COP1: variants seen among roughly 807,000 people sequenced by gnomAD.
COP1 encodes COP1 E3 ubiquitin ligase.
COP1 carries 24 observed loss-of-function variants against 101.3 expected under a neutral mutation model. That is an observed-to-expected ratio of 0.24 (90% CI 0.17 to 0.33). COP1 has a LOEUF of 0.33. COP1 is among the 10% of genes least tolerant of loss of function. The probability of loss-of-function intolerance (pLI) is 1.00; values close to 1 mark genes in which losing one functional copy is unlikely to be tolerated. For synonymous variants in COP1, 347 were observed against 341.9 expected (o/e 1.01, Z -0.17); for missense variants, 663 against 906.2 (o/e 0.73, Z 3.45).
chr1:176,120,603 A>G (rs1686955413), intron 8 of COP1, among the ~76,000 whole-genome samples: 1 of 152,210 alleles, frequency 6.6e-6, no homozygotes. Flanking sequence ...AGTAACAACA[A>G]TGCAGCTGTT....
At chr1:176,191,760 T>C (rs1385906657) in intron 1 of COP1, among the ~76,000 whole-genome samples, 1 of 152,086 alleles carries the variant, frequency 6.6e-6, no homozygotes, top group African/African-American at 2.4e-5. Flanking sequence ...TAAATCTCCA[T>C]TTTTTCAAAA....
intron 5 of COP1, among the ~76,000 whole-genome samples, chr1:176,157,434 C>T (rs983393259): frequency 6.6e-6 from 1 of 152,100 alleles, no homozygotes; most frequent in Non-Finnish European, 1.5e-5. Context: ...CTGCCTTAAA[C>T]AACAAAACAC....
rs897661210 is a variant in COP1 at position 176,111,803 on chromosome 1, T to C, written c.1026+4821A>G. On this transcript the variant is annotated intron_variant, in intron 9 of 19. Transcript: ENST00000367669. ...CGACTATCCACTATTTCAATTGTTT[T>C]TGTCTCCATTTATGTTAGGTCTAGC... is the stretch of plus-strand genomic sequence containing the variant. Among the ~76,000 whole-genome samples, 3 of 152,216 alleles carry C rather than the reference T, an allele frequency of 2.0e-5. No individual in the cohort carries two copies. The East Asian group carries it at 5.8e-4, about 29-fold the overall frequency.
chr1:176,143,146 A>AAGAG (rs759550104), intron 6 of COP1, among the ~76,000 whole-genome samples: 7,818 of 66,536 alleles, frequency 0.12, 435 homozygotes, highest in Middle Eastern at 0.3. Context: ...GAGCGAGAGA[A>AAGAG]AGAGAGAGAG....
At chr1:176,082,306 A>T (rs771476005) in intron 10 of COP1, among the ~76,000 whole-genome samples, 44 of 152,312 alleles carry the variant, frequency 2.9e-4, no homozygotes, top group Middle Eastern at 3.4e-3. Context: ...CAACTTTTTC[A>T]AGGTAAATGT....
chr1:176,063,209 G>A (rs989500669), intron 11 of COP1, among the ~76,000 whole-genome samples: 4 of 151,746 alleles, frequency 2.6e-5, no homozygotes, highest in Admixed American at 6.6e-5. Flanking sequence ...ACAGGCGCCC[G>A]CCACCGCGCC....
At chr1:176,090,298 T>C (rs531616360) in intron 9 of COP1, among the ~76,000 whole-genome samples, 1 of 152,282 alleles carries the variant, frequency 6.6e-6, no homozygotes, top group South Asian at 2.1e-4. Flanking sequence ...CTCCTTAAAA[T>C]GTATACCAAC....
intron 8 of COP1, among the ~76,000 whole-genome samples, chr1:176,125,699 G>A (rs1436480850): frequency 1.3e-5 from 2 of 151,942 alleles, no homozygotes; most frequent in Non-Finnish European, 2.9e-5. Context: ...GACAGCTTTG[G>A]CTCTTCTGGG....
chr1:176,113,531 G>A (rs1043715810), intron 9 of COP1, among the ~76,000 whole-genome samples: 2 of 152,088 alleles, frequency 1.3e-5, no homozygotes, highest in Non-Finnish European at 2.9e-5. Flanking sequence ...TAGCTCATAG[G>A]ATTTGCTAGA....
In COP1 at chr1:175,992,583, C is replaced by G. The variant is rs551407615; in HGVS notation, c.1730-3104G>C. Among the ~76,000 whole-genome samples the G allele has an allele frequency of 2.0e-5, 3 of 152,346 alleles. No homozygotes were observed. In the East Asian group the frequency reaches 5.8e-4, roughly 29 times the overall value. On this transcript the variant is annotated intron_variant, in intron 15 of 19. Coordinates refer to ENST00000367669, the MANE Select transcript of COP1 (RefSeq NM_022457.7). ...CCGACAGGCTTAAAAAATGGCGGACCAGGAGATTATATCCCGCACCTGGCT... is the reference window on the plus strand; with the variant it reads ...CCGACAGGCTTAAAAAATGGCGGACGAGGAGATTATATCCCGCACCTGGCT...
intron 11 of COP1, among the ~76,000 whole-genome samples, chr1:176,062,527 T>C (rs1356767598): frequency 6.6e-6 from 1 of 152,202 alleles, no homozygotes; most frequent in African/African-American, 2.4e-5. Context: ...TTTTTTAAAC[T>C]GCTGATTAAA....
At chr1:176,183,484 A>G (rs75759749) in intron 2 of COP1, among the ~76,000 whole-genome samples, 10,355 of 152,246 alleles carry the variant, frequency 0.068, 457 homozygotes, top group Admixed American at 0.088. Flanking sequence ...AAAAATTGGA[A>G]CTCTTATGCA....
At chr1:176,184,430 A>C (rs11587254) in intron 2 of COP1, among the ~76,000 whole-genome samples, 4,971 of 152,288 alleles carry the variant, frequency 0.033, 116 homozygotes, top group Non-Finnish European at 0.047. Context: ...GGCCTATTCT[A>C]AATCTAAACA....
intron 18 of COP1, among the ~76,000 whole-genome samples, chr1:175,957,505 A>G (rs1425187696): frequency 6.6e-6 from 1 of 152,210 alleles, no homozygotes; most frequent in African/African-American, 2.4e-5. Flanking sequence ...TTTGGGAAGT[A>G]CACTCTATGA....
At chr1:176,172,241 T>C (rs1696186113) in intron 3 of COP1, among the ~76,000 whole-genome samples, 1 of 152,162 alleles carries the variant, frequency 6.6e-6, no homozygotes, top group South Asian at 2.1e-4. Context: ...AAGGTCTCGC[T>C]ATATTGCGCA....
intron 18 of COP1, among the ~76,000 whole-genome samples, chr1:175,957,487 C>T (rs991730335): frequency 1.3e-5 from 2 of 152,182 alleles, no homozygotes; most frequent in Non-Finnish European, 2.9e-5. Flanking sequence ...TAGGCTATAC[C>T]ATCCAGGTTT....
intron 16 of COP1, 106 bp from the exon 17 acceptor site, chr1:175,988,518 T>C: frequency 9.0e-7 from 1 of 1,110,836 alleles, no homozygotes; most frequent in East Asian, 2.5e-5. Flanking sequence ...ATGCAGGCTC[T>C]GGAGCCAGAC....
intron 15 of COP1, among the ~76,000 whole-genome samples, chr1:176,006,504 G>A (rs1024215449): frequency 1.3e-5 from 2 of 152,172 alleles, no homozygotes; most frequent in African/African-American, 4.8e-5. Context: ...TCCTTTTCAT[G>A]TTTAGTGCTT....
chr1:176,182,358 A>G (rs10494499), intron 2 of COP1, among the ~76,000 whole-genome samples: 16,633 of 152,268 alleles, frequency 0.11, 996 homozygotes, highest in Middle Eastern at 0.16. Context: ...TGGTCTAACA[A>G]TATCAAGAAC....
Sources: allele counts gnomAD v4.1 joint callset (sites outside exome capture counted in the v4.1 genomes callset), GRCh38; gene constraint gnomAD v4.1.1; transcripts MANE v1.5; gene names NCBI Gene and HGNC (gene_info 2026-07-23, HGNC 2026-07-21).